Variants in TJP1 observed in about 807,000 individuals in gnomAD.
The protein encoded by TJP1 is tight junction protein ZO-1.
A neutral mutation model predicts 194.2 loss-of-function variants in TJP1; 43 were observed. The observed-to-expected ratio is 0.22, with a 90% CI of 0.17 to 0.29. The LOEUF (loss-of-function observed/expected upper bound fraction) is 0.29, where lower values mean the gene tolerates loss of function less well. Among genes scored for constraint, TJP1 ranks in the 10% least tolerant of loss-of-function variants. The pLI is 1.00. For missense variants in TJP1, 1,971 were observed against 2,185.7 expected (o/e 0.90, Z 1.96); for synonymous variants, 801 against 779.0 (o/e 1.03, Z -0.47).
chr15:29,886,669 T>C (rs1490731707), intron 2 of TJP1, among the ~76,000 whole-genome samples: 1 of 146,100 alleles, frequency 6.8e-6, no homozygotes, highest in Admixed American at 6.9e-5. Flanking sequence ...AGTTTGAAAG[T>C]ATAGTAAAAA....
chr15:29,916,641 A>G (rs1207778555), intron 2 of TJP1, among the ~76,000 whole-genome samples: 5 of 152,238 alleles, frequency 3.3e-5, no homozygotes, highest in African/African-American at 4.8e-5. Flanking sequence ...AGTTTTGCTC[A>G]AGTTGTATTA....
At chr15:29,946,854 A>G (rs530821282) in intron 2 of TJP1, among the ~76,000 whole-genome samples, 11 of 152,138 alleles carry the variant, frequency 7.2e-5, no homozygotes, top group Non-Finnish European at 1.2e-4. Context: ...TGAACACACA[A>G]ATTCTAACAT....
chr15:29,761,083 T>C (rs962366351), intron 8 of TJP1, 56 bp downstream of exon 8: 8 of 1,475,206 alleles, frequency 5.4e-6, no homozygotes, highest in Non-Finnish European at 2.7e-6. Flanking sequence ...CAATTTCAGA[T>C]ACTGGTATCA....
At chr15:29,910,248 G>A (rs1463337052) in intron 2 of TJP1, among the ~76,000 whole-genome samples, 18 of 152,144 alleles carry the variant, frequency 1.2e-4, no homozygotes, top group Admixed American at 8.5e-4. Context: ...AATAAATACA[G>A]TACTTATTTT....
intron 2 of TJP1, among the ~76,000 whole-genome samples, chr15:29,911,443 A>T (rs1056844765): frequency 2.6e-5 from 4 of 152,232 alleles, no homozygotes; most frequent in African/African-American, 9.6e-5. Flanking sequence ...GGTAATTTAT[A>T]AAGAAAACAG....
rs991693119 is a variant in TJP1, at chr15:29,868,086, G to A, written c.307-67384C>T. Reference sequence around the variant, plus strand: ...AAAAAAAAAAAAAAATCAGCTGGGCGTGGTAGTATGCACCTATAATCCCAG... The same window carrying A: ...AAAAAAAAAAAAAAATCAGCTGGGCATGGTAGTATGCACCTATAATCCCAG... On this transcript the variant is annotated intron_variant, in intron 2 of 28. Coordinates refer to the TJP1 transcript ENST00000356107. Among the ~76,000 whole-genome samples the A allele has an allele frequency of 4.0e-5, 6 of 151,224 alleles. No individual in the cohort carries two copies. In the South Asian group the frequency reaches 1.0e-3, roughly 26 times the overall value.
At chr15:29,882,771 C>A (rs1233858248) in intron 2 of TJP1, among the ~76,000 whole-genome samples, 2 of 152,244 alleles carry the variant, frequency 1.3e-5, no homozygotes, top group South Asian at 2.1e-4. Context: ...TTTTTAAAAA[C>A]CTGCTGGATC....
intron 11 of TJP1, among the ~76,000 whole-genome samples, chr15:29,734,863 GAAAC>G (rs1169255570): frequency 6.6e-6 from 1 of 152,072 alleles, no homozygotes; most frequent in East Asian, 1.9e-4. Context: ...TAAAAAAACA[GAAAC>G]AAATAAAGTG....
intron 2 of TJP1, among the ~76,000 whole-genome samples, chr15:29,851,523 G>C (rs1292706242): frequency 1.3e-5 from 2 of 152,080 alleles, no homozygotes; most frequent in Admixed American, 1.3e-4. Flanking sequence ...GGTTTCACTA[G>C]AGAATTCTAC....
At chr15:29,891,638 T>G (rs1596195826) in intron 2 of TJP1, among the ~76,000 whole-genome samples, 1 of 152,214 alleles carries the variant, frequency 6.6e-6, no homozygotes, top group Non-Finnish European at 1.5e-5. Context: ...ATTTCAAACT[T>G]TTTCATCGTT....
chr15:29,963,665 T>C (rs2056237435), intron 1 of TJP1, among the ~76,000 whole-genome samples: 1 of 152,148 alleles, frequency 6.6e-6, no homozygotes, highest in South Asian at 2.1e-4. Context: ...AAATACTTTT[T>C]TCTTTTTGAG....
At chr15:29,953,631 T>C (rs1029546946) in intron 2 of TJP1, among the ~76,000 whole-genome samples, 1 of 152,134 alleles carries the variant, frequency 6.6e-6, no homozygotes, top group African/African-American at 2.4e-5. Context: ...AGTTATTGCT[T>C]TTCTAAAAAT....
chr15:29,855,490 C>T (rs1264346437), intron 2 of TJP1, among the ~76,000 whole-genome samples: 1 of 152,034 alleles, frequency 6.6e-6, no homozygotes, highest in East Asian at 1.9e-4. Flanking sequence ...ATCAAAATAG[C>T]ACGTGTAGCT....
chr15:29,960,579 C>T (rs997478716), intron 1 of TJP1, among the ~76,000 whole-genome samples: 15 of 147,824 alleles, frequency 1.0e-4, no homozygotes, highest in Non-Finnish European at 1.5e-4. Context: ...GAGGTTGCAG[C>T]GAATGGTGAT....
At chr15:29,934,987 C>T (rs538294074) in intron 2 of TJP1, among the ~76,000 whole-genome samples, 61 of 152,286 alleles carry the variant, frequency 4.0e-4, no homozygotes, top group African/African-American at 1.4e-3. Context: ...CAAAGCAAGG[C>T]CATCAGAGGG....
chr15:29,888,790 T>G (rs1258758530), intron 2 of TJP1, among the ~76,000 whole-genome samples: 1 of 152,134 alleles, frequency 6.6e-6, no homozygotes, highest in African/African-American at 2.4e-5. Flanking sequence ...ACCCCTGCTA[T>G]TAGAATGACC....
chr15:29,781,868 T>C (rs1190532782), intron 2 of TJP1, among the ~76,000 whole-genome samples: 1 of 152,176 alleles, frequency 6.6e-6, no homozygotes, highest in Non-Finnish European at 1.5e-5. Flanking sequence ...AACATCATAC[T>C]GAATGGGCAA....
At chr15:29,734,215 C>A in intron 12 of TJP1, 59 bp downstream of exon 12, 2 of 1,159,716 alleles carry the variant, frequency 1.7e-6, no homozygotes, top group Non-Finnish European at 2.5e-6. Context: ...GGAATAAATC[C>A]CTTTGTAAGT....
chr15:29,912,629 G>C (rs1036532164), intron 2 of TJP1, among the ~76,000 whole-genome samples: 2 of 130,650 alleles, frequency 1.5e-5, no homozygotes, highest in Non-Finnish European at 3.1e-5. Context: ...ACGGGAGGAA[G>C]AGGTTACAGT....
Sources: allele counts gnomAD v4.1 joint callset (sites outside exome capture counted in the v4.1 genomes callset), GRCh38; gene constraint gnomAD v4.1.1; transcripts MANE v1.5; gene names NCBI Gene and HGNC (gene_info 2026-07-23, HGNC 2026-07-21).